The following EPHA5 variants were observed in gnomAD, a reference collection of about 807,000 sequenced individuals.
EPHA5 encodes the protein EPH receptor A5.
Under a neutral mutation model 105.0 loss-of-function variants are expected in EPHA5, and 60 were observed. The observed-to-expected ratio is 0.57, with a 90% confidence interval of 0.46 to 0.71. The LOEUF is 0.71. EPHA5 is among the 30% of genes least tolerant of loss of function. EPHA5 has a pLI of 0.00. For missense variants in EPHA5, 1,218 were observed against 1,274.7 expected (o/e 0.96, Z 0.68); for synonymous variants, 513 against 449.1 (o/e 1.14, Z -1.80).
intron 8 of EPHA5, among the ~76,000 whole-genome samples, chr4:65,387,848 G>A (rs1160324492): frequency 6.6e-6 from 1 of 151,104 alleles, no homozygotes; most frequent in African/African-American, 2.4e-5. Context: ...TTAAGATTTA[G>A]GGTACATGTG....
intron 3 of EPHA5, among the ~76,000 whole-genome samples, chr4:65,543,119 T>G (rs1231153708): frequency 6.6e-6 from 1 of 152,094 alleles, no homozygotes; most frequent in Non-Finnish European, 1.5e-5. Context: ...AATATCATAC[T>G]GAATAGGCAA....
intron 5 of EPHA5, among the ~76,000 whole-genome samples, chr4:65,436,273 T>A (rs1725473411): frequency 6.6e-6 from 1 of 151,988 alleles, no homozygotes; most frequent in Non-Finnish European, 1.5e-5. Context: ...CTTAAGACAG[T>A]ATTTAACACT....
chr4:65,486,742 T>C (rs1305817144), intron 5 of EPHA5, among the ~76,000 whole-genome samples: 1 of 152,228 alleles, frequency 6.6e-6, no homozygotes, highest in Non-Finnish European at 1.5e-5. Flanking sequence ...TTTGCCATGG[T>C]GGCATTAAAC....
intron 1 of EPHA5, among the ~76,000 whole-genome samples, chr4:65,656,995 C>G (rs1412726160): frequency 6.7e-6 from 1 of 149,178 alleles, no homozygotes; most frequent in Non-Finnish European, 1.5e-5. Context: ...AAAACGCTAA[C>G]CAGATGCTGA....
At chr4:65,446,570 C>A (rs1198625359) in intron 5 of EPHA5, among the ~76,000 whole-genome samples, 10 of 152,134 alleles carry the variant, frequency 6.6e-5, no homozygotes, top group African/African-American at 1.4e-4. Context: ...ATGTAAAACA[C>A]CTCTTCTGGA....
rs1750352623 is a variant in EPHA5, at chr4:65,670,364, G to C, written c.-622C>G. The C allele has an allele frequency of 4.3e-6, 1 of 233,684 alleles. No homozygotes were observed. Among genetic ancestry groups the C allele is most frequent in the African/African-American group, 2.2e-5 (1 of 45,358 alleles). The allele number at this position is 233,684 out of a possible 1,614,324, so 14.5% of individuals were successfully genotyped here. A position where few individuals can be genotyped will look rare whatever the true frequency, so the allele number is the denominator to read the frequency against. On this transcript the variant is annotated 5_prime_UTR_variant, in exon 1 of 17. Transcript: ENST00000613740. Reference sequence around the variant, plus strand: ...AGGGACTGACGGCTGCCGGCCGGTAGGAGCGCGGAGCTGCGCTGCGGCGGC... The same window carrying C: ...AGGGACTGACGGCTGCCGGCCGGTACGAGCGCGGAGCTGCGCTGCGGCGGC...
At chr4:65,446,528 T>C (rs1438117630) in intron 5 of EPHA5, among the ~76,000 whole-genome samples, 1 of 152,180 alleles carries the variant, frequency 6.6e-6, no homozygotes, top group East Asian at 1.9e-4. Context: ...GAAATAACTA[T>C]AGTGGTAGGA....
At chr4:65,573,900 G>A (rs923630546) in intron 3 of EPHA5, 10 of 1,610,756 alleles carry the variant, frequency 6.2e-6, no homozygotes, top group African/African-American at 1.3e-5. Flanking sequence ...CATTACCCCC[G>A]GGACCATTCT....
At position 65,576,115 on chromosome 4, in the gene EPHA5, A is replaced by AAAAAGAAAAGAAAAGAAAAGAAAAAAG. The variant is rs1214473624; in HGVS notation, c.910+25525_910+25526insCTTTTTTCTTTTCTTTTCTTTTCTTTT. Among the ~76,000 whole-genome samples the AAAAAGAAAAGAAAAGAAAAGAAAAAAG allele has an allele frequency of 1.5e-3, 69 of 45,612 alleles. 1 individual carries two copies. The highest frequency in any genetic ancestry group is 2.2e-3 in the Non-Finnish European group (43 of 19,354). The allele number at this position is 45,612 out of a possible 152,430, so 29.9% of individuals were successfully genotyped here. A position where few individuals can be genotyped will look rare whatever the true frequency, so the allele number is the denominator to read the frequency against. ...AAAGAAAAGAAAAGAAAAGAAAAGA[A>AAAAAGAAAAGAAAAGAAAAGAAAAAAG]AAAAGAAAAGAAAAGAAAAGAAAGA... On this transcript the variant is annotated intron_variant, in intron 3 of 16. Coordinates refer to ENST00000613740, the MANE Select transcript of EPHA5 (RefSeq NM_001281766.3).
At chr4:65,658,832 C>T (rs1749292251) in intron 1 of EPHA5, among the ~76,000 whole-genome samples, 1 of 152,030 alleles carries the variant, frequency 6.6e-6, no homozygotes, top group African/African-American at 2.4e-5. Flanking sequence ...GGCTTTGATA[C>T]TAGTTCTAAT....
chr4:65,392,819 G>A (rs1004155015), intron 8 of EPHA5, among the ~76,000 whole-genome samples: 1 of 152,104 alleles, frequency 6.6e-6, no homozygotes, highest in South Asian at 2.1e-4. Flanking sequence ...TTCAAATGGA[G>A]ATTGATGCAC....
chr4:65,539,386 C>A (rs772529227), intron 3 of EPHA5, among the ~76,000 whole-genome samples: 9 of 151,568 alleles, frequency 5.9e-5, no homozygotes, highest in Non-Finnish European at 1.2e-4. Context: ...GAAGATAGGG[C>A]TTTTATGTGT....
At chr4:65,430,767 T>C (rs1042386744) in intron 5 of EPHA5, among the ~76,000 whole-genome samples, 1 of 152,124 alleles carries the variant, frequency 6.6e-6, no homozygotes, top group African/African-American at 2.4e-5. Flanking sequence ...AAATAGAGTG[T>C]TACATTTAAT....
rs977783812 is a variant in EPHA5, at chr4:65,573,608, T to G, written c.910+28033A>C. The G allele has an allele frequency of 1.9e-6, 3 of 1,599,402 alleles. No homozygotes were observed. In the African/African-American group the frequency reaches 4.0e-5, roughly 21 times the overall value. On this transcript the variant is annotated intron_variant, in intron 3 of 16. Coordinates refer to ENST00000613740, the MANE Select transcript of EPHA5 (RefSeq NM_001281766.3). ...CCCGTTGCAGCCGCAACCCTGTCCT[T>G]GTCAGAGGAATTGGCAGGTATTCCC... is the stretch of plus-strand genomic sequence containing the variant.
intron 16 of EPHA5, chr4:65,330,692 A>G (rs1720527017): frequency 1.2e-6 from 1 of 842,666 alleles, no homozygotes; most frequent in African/African-American, 1.8e-5. Flanking sequence ...TGAAAAATTA[A>G]ATAGCAATCA....
intron 1 of EPHA5, among the ~76,000 whole-genome samples, chr4:65,667,021 C>A (rs1258711193): frequency 6.6e-6 from 1 of 152,088 alleles, no homozygotes; most frequent in Non-Finnish European, 1.5e-5. Context: ...AATCACTAAG[C>A]ATCTATAGAT....
chr4:65,450,735 C>G (rs183234319), intron 5 of EPHA5, among the ~76,000 whole-genome samples: 26 of 152,166 alleles, frequency 1.7e-4, no homozygotes, highest in Admixed American at 7.9e-4. Flanking sequence ...ATGAAGTCAC[C>G]TACGCATTGA....
At chr4:65,332,619 G>C (rs1300420803) in intron 15 of EPHA5, among the ~76,000 whole-genome samples, 2 of 151,294 alleles carry the variant, frequency 1.3e-5, no homozygotes, top group Non-Finnish European at 3.0e-5. Flanking sequence ...ATGGGGTGGT[G>C]GGGGGTGGGG....
At chr4:65,478,440 A>G (rs1730041642) in intron 5 of EPHA5, among the ~76,000 whole-genome samples, 1 of 152,072 alleles carries the variant, frequency 6.6e-6, no homozygotes, top group African/African-American at 2.4e-5. Context: ...TATACAATAT[A>G]TTTCCCTCCA....
Sources: allele counts gnomAD v4.1 joint callset (sites outside exome capture counted in the v4.1 genomes callset), GRCh38; gene constraint gnomAD v4.1.1; transcripts MANE v1.5; gene names NCBI Gene and HGNC (gene_info 2026-07-23, HGNC 2026-07-21).